The following SCHIP1 variants were observed in gnomAD, a reference collection of about 807,000 sequenced individuals.
SCHIP1 encodes the protein schwannomin interacting protein 1, also known as schwannomin-interacting protein 1.
In SCHIP1, 8 loss-of-function variants were observed where a neutral mutation model predicts 29.7. The observed-to-expected ratio is 0.27, with a 90% CI of 0.16 to 0.49. SCHIP1 has a LOEUF of 0.49. Ranked by LOEUF, SCHIP1 falls within the 20% of genes least tolerant of loss-of-function variation. SCHIP1 has a pLI of 0.99. For missense variants in SCHIP1, 193 were observed against 294.6 expected (o/e 0.66, Z 2.52); for synonymous variants, 76 against 94.9 (o/e 0.80, Z 1.16).
chr3:159,400,799 T>C, the SCHIP1 span, among the ~76,000 whole-genome samples: 1 of 152,194 alleles, frequency 6.6e-6, no homozygotes, highest in African/African-American at 2.4e-5. Flanking sequence ...TCCCCTTTCA[T>C]TTGGGGCTCC....
chr3:159,401,988 C>T, the SCHIP1 span, among the ~76,000 whole-genome samples: 1 of 152,038 alleles, frequency 6.6e-6, no homozygotes, highest in South Asian at 2.1e-4. Context: ...TCAGAGTGAA[C>T]AGGCAACCTA....
the SCHIP1 span, among the ~76,000 whole-genome samples, chr3:159,738,657 G>A: frequency 6.6e-6 from 1 of 152,110 alleles, no homozygotes; most frequent in Non-Finnish European, 1.5e-5. Context: ...CAGGCAATGG[G>A]GGTATAACAA....
At chr3:159,604,783 G>A in the SCHIP1 span, among the ~76,000 whole-genome samples, 1 of 152,134 alleles carries the variant, frequency 6.6e-6, no homozygotes, top group Non-Finnish European at 1.5e-5. Flanking sequence ...AAGAATATTT[G>A]GCATGACATG....
the SCHIP1 span, among the ~76,000 whole-genome samples, chr3:159,294,176 A>G: frequency 2.6e-5 from 4 of 152,198 alleles, no homozygotes; most frequent in East Asian, 1.9e-4. Context: ...CTATTCTAGT[A>G]TGATGGCTTC....
At chr3:159,604,380 C>T in the SCHIP1 span, among the ~76,000 whole-genome samples, 11,968 of 152,148 alleles carry the variant, frequency 0.079, 1,224 homozygotes, top group African/African-American at 0.24. Context: ...ATTTGGCTCA[C>T]GTCTCCCTCT....
At chr3:159,304,803 A>G in the SCHIP1 span, among the ~76,000 whole-genome samples, 3 of 152,196 alleles carry the variant, frequency 2.0e-5, no homozygotes, top group Admixed American at 1.3e-4. Flanking sequence ...CTCATTATTT[A>G]GCCACATCAC....
the SCHIP1 span, among the ~76,000 whole-genome samples, chr3:159,550,376 T>C: frequency 6.6e-6 from 1 of 152,072 alleles, no homozygotes; most frequent in African/African-American, 2.4e-5. Context: ...GTTCTGATTT[T>C]TTGCTATATA....
chr3:159,405,804 A>G, the SCHIP1 span, among the ~76,000 whole-genome samples: 1 of 151,444 alleles, frequency 6.6e-6, no homozygotes, highest in Admixed American at 6.6e-5. Context: ...AATCACTTGA[A>G]CCCAGTAGGC....
At chr3:159,424,274 AG>A in the SCHIP1 span, among the ~76,000 whole-genome samples, 1 of 152,138 alleles carries the variant, frequency 6.6e-6, no homozygotes. Context: ...CTAAAGGCAA[AG>A]AAGTTAAAAA....
At chr3:159,635,368 A>G in the SCHIP1 span, among the ~76,000 whole-genome samples, 2 of 152,142 alleles carry the variant, frequency 1.3e-5, no homozygotes. Flanking sequence ...AGGGGCAACG[A>G]TGGTGCTTGG....
chr3:159,624,075 G>T, the SCHIP1 span, among the ~76,000 whole-genome samples: 1 of 152,118 alleles, frequency 6.6e-6, no homozygotes, highest in East Asian at 1.9e-4. Context: ...AAGGTATCTT[G>T]TGAAATATGT....
the SCHIP1 span, among the ~76,000 whole-genome samples, chr3:159,740,506 T>A: frequency 6.6e-6 from 1 of 151,992 alleles, no homozygotes; most frequent in South Asian, 2.1e-4. Flanking sequence ...AGTTTCTGGA[T>A]GAAACTGGAG....
chr3:159,588,037 T>C, the SCHIP1 span, among the ~76,000 whole-genome samples: 2 of 152,208 alleles, frequency 1.3e-5, no homozygotes, highest in African/African-American at 4.8e-5. Flanking sequence ...CCCTGAGAAA[T>C]CACCACACTG....
At chr3:159,683,818 A>T in the SCHIP1 span, among the ~76,000 whole-genome samples, 1 of 152,056 alleles carries the variant, frequency 6.6e-6, no homozygotes, top group East Asian at 1.9e-4. Context: ...TGAAGATAAG[A>T]CTCTGGTGTA....
At chr3:159,437,375 A>AT in the SCHIP1 span, among the ~76,000 whole-genome samples, 8 of 152,048 alleles carry the variant, frequency 5.3e-5, no homozygotes, top group South Asian at 4.2e-4. Context: ...CTCCTCTAGG[A>AT]TTTTTTTCTT....
the SCHIP1 span, among the ~76,000 whole-genome samples, chr3:159,307,371 T>C: frequency 6.6e-6 from 1 of 152,170 alleles, no homozygotes. Context: ...CTCAGAGTCA[T>C]TGTGGGGACT....
the SCHIP1 span, among the ~76,000 whole-genome samples, chr3:159,300,113 CTT>C: frequency 0.018 from 814 of 45,290 alleles, 12 homozygotes; most frequent in African/African-American, 0.067. Flanking sequence ...GGGAAAGCTG[CTT>C]TTTTTTTTTT....
chr3:159,306,173 T>C, the SCHIP1 span, among the ~76,000 whole-genome samples: 1 of 74,562 alleles, frequency 1.3e-5, no homozygotes, highest in African/African-American at 3.4e-5. Context: ...GGAAGGGTAA[T>C]ACTATATACA....
the SCHIP1 span, among the ~76,000 whole-genome samples, chr3:159,319,400 G>T: frequency 7.2e-5 from 11 of 152,308 alleles, no homozygotes; most frequent in African/African-American, 2.6e-4. Context: ...TTTGAAAAGA[G>T]AGAGCTCATT....
Sources: allele counts gnomAD v4.1 joint callset (sites outside exome capture counted in the v4.1 genomes callset), GRCh38; gene constraint gnomAD v4.1.1; transcripts MANE v1.5; gene names NCBI Gene and HGNC (gene_info 2026-07-23, HGNC 2026-07-21).